Variants in CFTR observed in about 807,000 individuals in gnomAD.
CFTR encodes the protein CF transmembrane conductance regulator.
CFTR carries 181 observed loss-of-function variants against 171.6 expected under a neutral mutation model. That is an observed-to-expected ratio of 1.05 (90% CI 0.93 to 1.19). The LOEUF is 1.19. Among genes scored for constraint, CFTR ranks in the 50% most tolerant of loss-of-function variants. The probability of loss-of-function intolerance (pLI) is 0.00; values close to 1 mark genes in which losing one functional copy is unlikely to be tolerated. For synonymous variants in CFTR, 583 were observed against 608.0 expected, an observed-to-expected ratio of 0.96 and a Z score of 0.60; for missense variants, 1,968 against 1,734.7, an observed-to-expected ratio of 1.13 and a Z score of -2.39.
intron 8 of CFTR, 78 bp downstream of exon 8, chr7:117,540,424 A>G (rs1799035430): frequency 1.5e-6 from 2 of 1,366,602 alleles, no homozygotes; most frequent in East Asian, 4.6e-5. Context: ...AACTTTGCAA[A>G]AATGTGCGAA....
At position 117,581,601 on chromosome 7, in the gene CFTR, C is replaced by T. The variant is rs1584807632; in HGVS notation, c.1585-6138C>T. ...CTGTTAAAGGAAGATATTATTATAC[C>T]CATTTTATAGATGGACAAGTTAGGG... On this transcript the variant is annotated intron_variant, in intron 11 of 26. Transcript: ENST00000003084. Among the ~76,000 whole-genome samples, 6 of 152,044 alleles carry T rather than the reference C, an allele frequency of 3.9e-5. No individual in the cohort carries two copies. In the East Asian group the frequency reaches 5.8e-4, roughly 15 times the overall value.
chr7:117,547,032 G>C (rs1420026018), intron 9 of CFTR, among the ~76,000 whole-genome samples: 1 of 152,138 alleles, frequency 6.6e-6, no homozygotes, highest in Non-Finnish European at 1.5e-5. Context: ...TAGGATGTTT[G>C]AAGTAGTTTC....
At chr7:117,654,714 GT>G (rs1303721790) in intron 24 of CFTR, among the ~76,000 whole-genome samples, 1 of 152,300 alleles carries the variant, frequency 6.6e-6, no homozygotes, top group East Asian at 1.9e-4. Flanking sequence ...TCCCAGCCAT[GT>G]GGAACTGTGA....
chr7:117,628,854 G>A (rs1792695129), intron 22 of CFTR, among the ~76,000 whole-genome samples: 1 of 152,088 alleles, frequency 6.6e-6, no homozygotes, highest in Non-Finnish European at 1.5e-5. Flanking sequence ...ATAGGTAGCT[G>A]AAAGTGTTTT....
At position 117,535,364 on chromosome 7, in the gene CFTR, C is replaced by T; in HGVS notation, c.696C>T (p.Val232=). The change falls in exon 6 of 27, where the codon GTC becomes GTT. Residue 232 remains valine (V), a synonymous_variant. Transcript: ENST00000003084. Reference sequence around the variant, plus strand: ...TCTGTGGACTTGGTTTCCTGATAGTCCTTGCCCTTTTTCAGGCTGGGCTAG... The same window carrying T: ...TCTGTGGACTTGGTTTCCTGATAGTTCTTGCCCTTTTTCAGGCTGGGCTAG... The part of the protein sequence containing the change: ...SAFCGLGFLI[V]LALFQAGLGR... 1 of 1,614,040 alleles carries T rather than the reference C, an allele frequency of 6.2e-7. No individual in the cohort carries two copies.
chr7:117,559,629 G>T lies in CFTR; in HGVS notation c.1558G>T (p.Val520Phe), dbSNP rs77646904. Residue 520 changes from valine (V) to phenylalanine (F), a missense_variant, in exon 11 of 27, where the codon GTC (valine) becomes TTC (phenylalanine). By Grantham distance (50) the Val-to-Phe change is conservative. Coordinates refer to ENST00000003084, the MANE Select transcript of CFTR (RefSeq NM_000492.4). ...VSYDEYRYRS[V>F]IKACQLEEDI... ...CTATGATGAATATAGATACAGAAGC[G>T]TCATCAAAGCATGCCAACTAGAAGA... is the stretch of plus-strand genomic sequence containing the variant. 43 of 1,613,014 alleles carry T rather than the reference G, an allele frequency of 2.7e-5. No homozygotes were observed. The highest frequency in any genetic ancestry group is 3.3e-5 in the Non-Finnish European group (39 of 1,179,464).
intron 24 of CFTR, among the ~76,000 whole-genome samples, chr7:117,656,841 G>T (rs1457234034): frequency 6.6e-6 from 1 of 152,108 alleles, no homozygotes. Context: ...TATCCCAAAT[G>T]TTCTTCCCTT....
At chr7:117,627,113 A>G (rs1376212967) in intron 21 of CFTR, among the ~76,000 whole-genome samples, 1 of 152,084 alleles carries the variant, frequency 6.6e-6, no homozygotes, top group Non-Finnish European at 1.5e-5. Flanking sequence ...TTAGTTACTA[A>G]GGTAGTTCGA....
At chr7:117,623,647 G>A (rs926137280) in intron 21 of CFTR, among the ~76,000 whole-genome samples, 10 of 152,268 alleles carry the variant, frequency 6.6e-5, no homozygotes, top group East Asian at 5.8e-4. Flanking sequence ...AGGCTGAGGC[G>A]CTGAGGGGTA....
chr7:117,571,001 G>C (rs1791680054), intron 11 of CFTR, among the ~76,000 whole-genome samples: 1 of 152,134 alleles, frequency 6.6e-6, no homozygotes, highest in Non-Finnish European at 1.5e-5. Context: ...AAATAAGTCA[G>C]GAAATTTTTT....
At chr7:117,618,361 C>T (rs937808303) in intron 21 of CFTR, among the ~76,000 whole-genome samples, 3 of 151,982 alleles carry the variant, frequency 2.0e-5, no homozygotes, top group African/African-American at 7.3e-5. Context: ...TGGTGGCATG[C>T]ACCCAGCTAC....
intron 2 of CFTR, among the ~76,000 whole-genome samples, chr7:117,508,454 A>G (rs1447484212): frequency 6.6e-6 from 1 of 152,196 alleles, no homozygotes; most frequent in Non-Finnish European, 1.5e-5. Flanking sequence ...CTCATTTTTC[A>G]AAGACCTTTA....
intron 3 of CFTR, among the ~76,000 whole-genome samples, chr7:117,516,473 TA>T (rs1025917597): frequency 4.6e-5 from 7 of 152,174 alleles, no homozygotes; most frequent in African/African-American, 9.7e-5. Context: ...ATTACAGTGA[TA>T]CTAGCTTATA....
intron 3 of CFTR, among the ~76,000 whole-genome samples, chr7:117,520,154 G>A (rs1242165901): frequency 1.3e-5 from 2 of 151,088 alleles, no homozygotes; most frequent in Non-Finnish European, 3.0e-5. Context: ...TGTGTGAATT[G>A]CCTTTCATGT....
intron 7 of CFTR, among the ~76,000 whole-genome samples, chr7:117,537,464 G>A (rs1463986011): frequency 6.6e-6 from 1 of 152,168 alleles, no homozygotes; most frequent in Non-Finnish European, 1.5e-5. Context: ...GAGACTCAGT[G>A]AAAGTTGATA....
At chr7:117,486,040 G>T (rs1004844696) in intron 1 of CFTR, among the ~76,000 whole-genome samples, 1 of 152,178 alleles carries the variant, frequency 6.6e-6, no homozygotes, top group South Asian at 2.1e-4. Flanking sequence ...ACTGTGGGCA[G>T]ATTTTTAATG....
chr7:117,568,195 A>G (rs1436424621), intron 11 of CFTR, among the ~76,000 whole-genome samples: 1 of 152,152 alleles, frequency 6.6e-6, no homozygotes, highest in Non-Finnish European at 1.5e-5. Flanking sequence ...AAAGGGGTAT[A>G]TTGTGAGATC....
At chr7:117,497,547 G>A (rs1798259036) in intron 1 of CFTR, among the ~76,000 whole-genome samples, 1 of 152,112 alleles carries the variant, frequency 6.6e-6, no homozygotes, top group Non-Finnish European at 1.5e-5. Flanking sequence ...GATATCACTG[G>A]GAAATAATAG....
chr7:117,577,202 T>C (rs529684410), intron 11 of CFTR, among the ~76,000 whole-genome samples: 1 of 152,282 alleles, frequency 6.6e-6, no homozygotes, highest in East Asian at 1.9e-4. Context: ...TGGAGAACTA[T>C]AAAACTTCAA....
Sources: gnomAD v4.1 joint callset for allele counts (sites outside exome capture counted in the v4.1 genomes callset) on GRCh38, gnomAD v4.1.1 for gene constraint, MANE v1.5 for transcripts, NCBI Gene and HGNC (gene_info 2026-07-23, HGNC 2026-07-21) for gene names.